Variants in PARD3 observed in about 807,000 individuals in gnomAD.
PARD3 encodes the protein partitioning defective 3 homolog.
In PARD3, 75 loss-of-function variants were observed where a neutral mutation model predicts 155.4. The ratio of observed to expected loss-of-function variants is 0.48; its 90% CI spans 0.40 to 0.58. The LOEUF (loss-of-function observed/expected upper bound fraction) is 0.58. PARD3 is among the 20% of genes least tolerant of loss of function. The pLI, the probability that PARD3 is intolerant of heterozygous loss-of-function variation, is 0.00. For missense variants in PARD3, 1,642 were observed against 1,721.7 expected (o/e 0.95, Z 0.82); for synonymous variants, 576 against 610.5 (o/e 0.94, Z 0.83).
intron 4 of PARD3, among the ~76,000 whole-genome samples, chr10:34,466,974 T>A (rs1184496257): frequency 6.6e-6 from 1 of 152,104 alleles, no homozygotes; most frequent in Non-Finnish European, 1.5e-5. Flanking sequence ...TATGCGAATA[T>A]CACTTCATCT....
intron 7 of PARD3, among the ~76,000 whole-genome samples, chr10:34,392,634 A>G (rs1842953619): frequency 6.6e-6 from 1 of 152,158 alleles, no homozygotes; most frequent in South Asian, 2.1e-4. Context: ...GATGTTAAGA[A>G]GGATTGTTCT....
chr10:34,370,839 T>C (rs939374272), intron 12 of PARD3, among the ~76,000 whole-genome samples: 2 of 151,812 alleles, frequency 1.3e-5, no homozygotes, highest in Non-Finnish European at 2.9e-5. Flanking sequence ...TGTGTGTGTG[T>C]GTGTGTGTAA....
intron 2 of PARD3, among the ~76,000 whole-genome samples, chr10:34,561,687 C>A (rs1380724065): frequency 1.3e-5 from 2 of 151,612 alleles, no homozygotes; most frequent in African/African-American, 4.8e-5. Context: ...CCTGGCTGAT[C>A]TTGTATTTTT....
At chr10:34,318,220 G>A (rs1467942508) in intron 19 of PARD3, among the ~76,000 whole-genome samples, 2 of 152,152 alleles carry the variant, frequency 1.3e-5, no homozygotes, top group Non-Finnish European at 1.5e-5. Context: ...CCTACCAAAA[G>A]AGCTTAAACA....
At chr10:34,389,300 T>C (rs1842662321) in intron 7 of PARD3, among the ~76,000 whole-genome samples, 1 of 141,866 alleles carries the variant, frequency 7.0e-6, no homozygotes, top group Non-Finnish European at 1.5e-5. Flanking sequence ...AAGCGAGCCA[T>C]TGAAATGCTG....
intron 14 of PARD3, among the ~76,000 whole-genome samples, chr10:34,349,374 T>G (rs901148936): frequency 1.3e-5 from 2 of 152,016 alleles, no homozygotes; most frequent in African/African-American, 4.8e-5. Flanking sequence ...AGGAGAATAA[T>G]AAACTTGCAG....
intron 1 of PARD3, among the ~76,000 whole-genome samples, chr10:34,807,148 C>T (rs1313689727): frequency 6.6e-6 from 1 of 152,154 alleles, no homozygotes; most frequent in Admixed American, 6.5e-5. Context: ...CCTGGAGGCT[C>T]AGCAGCCAGG....
At position 34,337,339 on chromosome 10, in the gene PARD3, T is replaced by C. The variant is rs762115273; in HGVS notation, c.2496A>G (p.Gln832=). The C allele has an allele frequency of 5.0e-6, 8 of 1,603,944 alleles. No individual in the cohort carries two copies. The South Asian group carries it at 8.9e-5, about 18-fold the overall frequency. ...RQSMSEKRTK[Q]FSDASQLDFV... is the part of the protein sequence containing the mutation. ...AATCCAATTGACTGGCATCTGAAAA[T>C]TGCTTTGTGCGTTTTTCTGACATAC... The change falls in exon 17 of 25, where the codon CAA becomes CAG. Residue 832 remains glutamine, a synonymous_variant. Coordinates refer to ENST00000374788, the MANE Select transcript of PARD3 (RefSeq NM_001184785.2).
At chr10:34,602,101 CT>C (rs1264826670) in intron 2 of PARD3, among the ~76,000 whole-genome samples, 1 of 152,182 alleles carries the variant, frequency 6.6e-6, no homozygotes, top group Non-Finnish European at 1.5e-5. Flanking sequence ...AAATCTCACT[CT>C]ACTGTCTTAC....
At chr10:34,614,086 G>A (rs1189307935) in intron 2 of PARD3, among the ~76,000 whole-genome samples, 1 of 152,034 alleles carries the variant, frequency 6.6e-6, no homozygotes, top group African/African-American at 2.4e-5. Context: ...AAGGCAAACA[G>A]CTAAATTCAA....
At chr10:34,589,839 T>C (rs917314162) in intron 2 of PARD3, among the ~76,000 whole-genome samples, 18 of 152,126 alleles carry the variant, frequency 1.2e-4, no homozygotes, top group Admixed American at 6.5e-4. Flanking sequence ...ACTCAAGTGA[T>C]TCCATGTACA....
intron 19 of PARD3, among the ~76,000 whole-genome samples, chr10:34,319,096 TTTC>T (rs1307304542): frequency 1.4e-5 from 2 of 146,432 alleles, no homozygotes; most frequent in African/African-American, 5.1e-5. Flanking sequence ...TTTTTTTTTT[TTTC>T]TTCTTCTTGA....
At chr10:34,810,267 T>C (rs1218155115) in intron 1 of PARD3, among the ~76,000 whole-genome samples, 1 of 152,216 alleles carries the variant, frequency 6.6e-6, no homozygotes, top group African/African-American at 2.4e-5. Flanking sequence ...CTTCAGGCTA[T>C]GTGTATAAGG....
At chr10:34,597,263 T>A (rs2089356981) in intron 2 of PARD3, among the ~76,000 whole-genome samples, 2 of 151,920 alleles carry the variant, frequency 1.3e-5, no homozygotes, top group Admixed American at 1.3e-4. Context: ...CCTCCTTTAG[T>A]ATAATTTTAG....
rs373956218 is a variant in PARD3 at position 34,119,594 on chromosome 10, C to G, written c.3668+19G>C. The G allele has an allele frequency of 4.4e-6, 7 of 1,579,978 alleles. No individual in the cohort carries two copies. In the Admixed American group the frequency reaches 1.0e-4, roughly 23 times the overall value. On this transcript the variant is annotated intron_variant, in intron 24 of 24. Coordinates refer to ENST00000374788, the MANE Select transcript of PARD3 (RefSeq NM_001184785.2). ...AAAGGGCCGGGGGGATCTGGAGGCT[C>G]GGCCAAGCGTCCTCATACCGAGGCA...
chr10:34,440,773 C>G (rs1455182213), intron 5 of PARD3, among the ~76,000 whole-genome samples: 2 of 152,138 alleles, frequency 1.3e-5, no homozygotes, highest in East Asian at 1.9e-4. Context: ...CACCCCAGGT[C>G]CAAAAGCAAA....
intron 22 of PARD3, among the ~76,000 whole-genome samples, chr10:34,190,829 T>G (rs549133099): frequency 6.6e-6 from 1 of 152,092 alleles, no homozygotes; most frequent in East Asian, 1.9e-4. Flanking sequence ...CCAGGCCAAC[T>G]TGGAGGATGC....
intron 2 of PARD3, chr10:34,664,024 T>TGGGGCCTC (rs1378384301): frequency 1.3e-5 from 2 of 152,184 alleles, no homozygotes; most frequent in African/African-American, 2.4e-5. Flanking sequence ...CTTAGCAGGT[T>TGGGGCCTC]GGGGCCTCAG....
At chr10:34,221,056 TCTG>T (rs2133471770) in intron 22 of PARD3, among the ~76,000 whole-genome samples, 1 of 152,290 alleles carries the variant, frequency 6.6e-6, no homozygotes, top group South Asian at 2.1e-4. Flanking sequence ...GGGTGAAACA[TCTG>T]CTATGAGCAG....
Sources: gnomAD v4.1 joint callset for allele counts (sites outside exome capture counted in the v4.1 genomes callset) on GRCh38, gnomAD v4.1.1 for gene constraint, MANE v1.5 for transcripts, NCBI Gene and HGNC (gene_info 2026-07-23, HGNC 2026-07-21) for gene names.